The following IQCJ variants were observed in gnomAD, a reference collection of about 807,000 sequenced individuals.
IQCJ encodes IQ domain-containing protein J.
A neutral mutation model predicts 11.0 loss-of-function variants in IQCJ; 9 were observed. The ratio of observed to expected loss-of-function variants is 0.82; its 90% CI spans 0.49 to 1.43. IQCJ has a LOEUF of 1.43. Among genes scored for constraint, IQCJ ranks in the 40% most tolerant of loss-of-function variants. The pLI, the probability that IQCJ is intolerant of heterozygous loss-of-function variation, is 0.00. For synonymous variants in IQCJ, 55 were observed against 51.3 expected (o/e 1.07, Z -0.31); for missense variants, 146 against 133.2 (o/e 1.10, Z -0.47).
intron 1 of IQCJ, among the ~76,000 whole-genome samples, chr3:159,178,559 A>G (rs1322126705): frequency 6.6e-6 from 1 of 152,202 alleles, no homozygotes; most frequent in African/African-American, 2.4e-5. Context: ...ATACACATAC[A>G]TACTATACCA....
rs549220162 is a variant in IQCJ at position 159,213,698 on chromosome 3, C to T, written c.10-32145C>T. 6.6e-5 allele frequency among the ~76,000 whole-genome samples: 10 copies of T among 152,206 alleles called. No individual in the cohort carries two copies. The East Asian group carries it at 7.7e-4, about 12-fold the overall frequency. ...TAATGCTATTTTGCTGCATAATTTA[C>T]GAATGAATTTTTAAAGCAATGGACC... On this transcript the variant is annotated intron_variant, in intron 1 of 3. Coordinates refer to ENST00000397832, the MANE Select transcript of IQCJ (RefSeq NM_001042706.3).
chr3:159,118,877 T>A (rs933276232), intron 1 of IQCJ, among the ~76,000 whole-genome samples: 1 of 152,210 alleles, frequency 6.6e-6, no homozygotes, highest in African/African-American at 2.4e-5. Flanking sequence ...CTTGATAAAA[T>A]GATCATTATC....
chr3:159,213,418 TTC>T (rs1439861433), intron 1 of IQCJ, among the ~76,000 whole-genome samples: 1 of 152,184 alleles, frequency 6.6e-6, no homozygotes, highest in Non-Finnish European at 1.5e-5. Context: ...CCTTTCTCAT[TTC>T]TGTTTCCAGA....
chr3:159,206,688 A>G (rs1001522255), intron 1 of IQCJ, among the ~76,000 whole-genome samples: 2 of 152,206 alleles, frequency 1.3e-5, no homozygotes, highest in Non-Finnish European at 2.9e-5. Context: ...TCTTTTCCCA[A>G]GACCTAATTC....
intron 1 of IQCJ, among the ~76,000 whole-genome samples, chr3:159,209,380 A>G (rs1388265463): frequency 1.3e-5 from 2 of 151,866 alleles, no homozygotes; most frequent in African/African-American, 4.8e-5. Context: ...GCTGACAGTC[A>G]CTTCCACTGC....
intron 1 of IQCJ, among the ~76,000 whole-genome samples, chr3:159,232,953 C>T (rs1302190221): frequency 7.9e-5 from 12 of 152,166 alleles, no homozygotes; most frequent in Admixed American, 3.9e-4. Context: ...TAGGACTTAA[C>T]ATCCAGGTAT....
intron 1 of IQCJ, among the ~76,000 whole-genome samples, chr3:159,196,511 G>T (rs190380411): frequency 6.6e-6 from 1 of 152,232 alleles, no homozygotes; most frequent in African/African-American, 2.4e-5. Flanking sequence ...AGTATTTTTT[G>T]GAAGTTCTCC....
intron 1 of IQCJ, among the ~76,000 whole-genome samples, chr3:159,115,753 C>T (rs1243897288): frequency 6.6e-6 from 1 of 152,084 alleles, no homozygotes; most frequent in Admixed American, 6.5e-5. Context: ...AGACCCATCT[C>T]TAAAAAAATG....
intron 1 of IQCJ, among the ~76,000 whole-genome samples, chr3:159,216,131 T>C (rs1725219528): frequency 1.4e-5 from 2 of 147,462 alleles, no homozygotes; most frequent in Non-Finnish European, 3.0e-5. Context: ...GAATTGAGGC[T>C]CTTATGCTCC....
intron 1 of IQCJ, among the ~76,000 whole-genome samples, chr3:159,169,109 G>A (rs962343634): frequency 2.0e-5 from 3 of 151,948 alleles, no homozygotes; most frequent in Non-Finnish European, 4.4e-5. Flanking sequence ...CTCTATAAAG[G>A]AGATACTATT....
chr3:159,231,042 C>T (rs1423680883), intron 1 of IQCJ, among the ~76,000 whole-genome samples: 2 of 152,146 alleles, frequency 1.3e-5, no homozygotes, highest in African/African-American at 4.8e-5. Context: ...TATGCCTGAC[C>T]ACAAGCTCCA....
chr3:159,091,369 T>G (rs1195695538), intron 1 of IQCJ, among the ~76,000 whole-genome samples: 1 of 151,780 alleles, frequency 6.6e-6, no homozygotes, highest in African/African-American at 2.4e-5. Context: ...CTAGGTTGCC[T>G]ATTGCTGACT....
intron 2 of IQCJ, among the ~76,000 whole-genome samples, chr3:159,251,302 A>G (rs780293659): frequency 1.1e-4 from 17 of 151,870 alleles, no homozygotes; most frequent in Non-Finnish European, 2.4e-4. Flanking sequence ...CCATATTCCT[A>G]GTCCTCATAA....
intron 1 of IQCJ, among the ~76,000 whole-genome samples, chr3:159,179,149 G>A (rs568456445): frequency 1.7e-4 from 26 of 152,184 alleles, no homozygotes; most frequent in African/African-American, 5.3e-4. Context: ...TTATTCAAAC[G>A]CTAATCATTG....
At chr3:159,093,046 C>T (rs937904605) in intron 1 of IQCJ, among the ~76,000 whole-genome samples, 1 of 151,620 alleles carries the variant, frequency 6.6e-6, no homozygotes, top group African/African-American at 2.4e-5. Context: ...GGTGGTAGTT[C>T]AAACTTTGAC....
chr3:159,183,804 A>G (rs1226954355), intron 1 of IQCJ, among the ~76,000 whole-genome samples: 1 of 152,148 alleles, frequency 6.6e-6, no homozygotes, highest in African/African-American at 2.4e-5. Context: ...AATGTCTCAC[A>G]GTAATCTTCG....
chr3:159,069,538 G>T, intron 1 of IQCJ, 97 bp downstream of exon 1: 1 of 1,504,142 alleles, frequency 6.6e-7, no homozygotes, highest in African/African-American at 1.4e-5. Flanking sequence ...TAACATGTAT[G>T]CAAAAAATGT....
At chr3:159,216,408 A>G (rs547736154) in intron 1 of IQCJ, among the ~76,000 whole-genome samples, 38 of 152,298 alleles carry the variant, frequency 2.5e-4, no homozygotes, top group South Asian at 8.3e-4. Context: ...CTGCATGTAA[A>G]TTGCTTAATG....
intron 1 of IQCJ, among the ~76,000 whole-genome samples, chr3:159,188,674 G>T (rs1723512746): frequency 6.6e-6 from 1 of 151,862 alleles, no homozygotes. Flanking sequence ...TTCTTTTTGA[G>T]GCTTCCATTC....
Sources: allele counts gnomAD v4.1 joint callset (sites outside exome capture counted in the v4.1 genomes callset), GRCh38; gene constraint gnomAD v4.1.1; transcripts MANE v1.5; gene names NCBI Gene and HGNC (gene_info 2026-07-23, HGNC 2026-07-21).